The following HSD17B3 variants were observed in gnomAD, a reference collection of about 807,000 sequenced individuals.
HSD17B3 encodes 17-beta-hydroxysteroid dehydrogenase type 3.
A neutral mutation model predicts 41.1 loss-of-function variants in HSD17B3; 29 were observed. The ratio of observed to expected loss-of-function variants is 0.71; its 90% CI spans 0.53 to 0.96. HSD17B3 has a LOEUF of 0.96. HSD17B3 is among the 40% of genes least tolerant of loss of function. The probability of loss-of-function intolerance (pLI) is 0.00; values close to 1 mark genes in which losing one functional copy is unlikely to be tolerated. For synonymous variants in HSD17B3, 126 were observed against 145.6 expected (o/e 0.87, Z 0.97); for missense variants, 323 against 374.6 (o/e 0.86, Z 1.14).
chr9:96,256,636 A>C (rs1294100849), intron 2 of HSD17B3, among the ~76,000 whole-genome samples: 2 of 152,000 alleles, frequency 1.3e-5, no homozygotes, highest in African/African-American at 4.8e-5. Context: ...GTGCCACTGT[A>C]CTCCAGCCTG....
At chr9:96,240,112 AC>A (rs1836377302) in intron 10 of HSD17B3, among the ~76,000 whole-genome samples, 1 of 152,160 alleles carries the variant, frequency 6.6e-6, no homozygotes, top group Admixed American at 6.5e-5. Context: ...TAGGACAAAT[AC>A]CTAGTGCAAG....
Sources: allele counts gnomAD v4.1 joint callset (sites outside exome capture counted in the v4.1 genomes callset), GRCh38; gene constraint gnomAD v4.1.1; transcripts MANE v1.5; gene names NCBI Gene and HGNC (gene_info 2026-07-23, HGNC 2026-07-21).